Variants in PARPBP observed in about 807,000 individuals in gnomAD.
PARPBP encodes the protein PARP1 binding protein.
Under a neutral mutation model 50.0 loss-of-function variants are expected in PARPBP, and 52 were observed. That is an observed-to-expected ratio of 1.04 (90% CI 0.83 to 1.31). The LOEUF is 1.31. Among genes scored for constraint, PARPBP ranks in the 50% most tolerant of loss-of-function variants. The probability of loss-of-function intolerance (pLI) is 0.00; values close to 1 mark genes in which losing one functional copy is unlikely to be tolerated. For missense variants in PARPBP, 697 were observed against 672.0 expected, an observed-to-expected ratio of 1.04 and a Z score of -0.41; for synonymous variants, 244 against 232.1, an observed-to-expected ratio of 1.05 and a Z score of -0.47.
rs1471219565 is a variant in PARPBP, at chr12:102,122,275, G to C, written c.-3-1611G>C. ...TTTTTGAAGAGAAATACAATTCTTA[G>C]CTATTTACTAGGATTTGCATTTATG... is the stretch of plus-strand genomic sequence containing the variant. On this transcript the variant is annotated intron_variant, in intron 1 of 10. Transcript: ENST00000327680. 2.0e-5 allele frequency among the ~76,000 whole-genome samples: 3 copies of C among 152,050 alleles called. No individual in the cohort carries two copies. The East Asian group carries it at 5.8e-4, about 29-fold the overall frequency.
At chr12:102,185,250 A>G (rs1464445332) in intron 9 of PARPBP, among the ~76,000 whole-genome samples, 1 of 152,150 alleles carries the variant, frequency 6.6e-6, no homozygotes, top group Non-Finnish European at 1.5e-5. Context: ...AGGGTGTTGA[A>G]TTTTATCAAA....
At chr12:102,150,438 GT>G (rs1199835011) in intron 3 of PARPBP, 1 of 334,910 alleles carries the variant, frequency 3.0e-6, no homozygotes, top group African/African-American at 2.2e-5. Flanking sequence ...TCCTGATAAA[GT>G]TTCTTTGTTT....
intron 2 of PARPBP, among the ~76,000 whole-genome samples, chr12:102,133,324 A>G (rs903945582): frequency 6.6e-6 from 1 of 152,072 alleles, no homozygotes; most frequent in African/African-American, 2.4e-5. Context: ...ATTTTTTTAT[A>G]TCTAATGTGT....
intron 4 of PARPBP, among the ~76,000 whole-genome samples, chr12:102,156,814 G>A (rs1458095427): frequency 6.6e-6 from 1 of 151,950 alleles, no homozygotes; most frequent in Non-Finnish European, 1.5e-5. Flanking sequence ...GCTAAGTTTT[G>A]TATTTTTAGT....
intron 2 of PARPBP, among the ~76,000 whole-genome samples, chr12:102,128,255 G>T (rs1882310802): frequency 6.6e-6 from 1 of 151,068 alleles, no homozygotes. Context: ...TTTTTTTGAT[G>T]GAGTCTCACT....
chr12:102,187,532 C>T (rs1890405922), intron 9 of PARPBP, among the ~76,000 whole-genome samples: 1 of 152,024 alleles, frequency 6.6e-6, no homozygotes, highest in Non-Finnish European at 1.5e-5. Flanking sequence ...AAATACACTC[C>T]CTAATGAGAT....
In PARPBP at chr12:102,145,584, A is replaced by C. The variant is rs970370457; in HGVS notation, c.154-2646A>C. Among the ~76,000 whole-genome samples, 9 of 152,206 alleles carry C rather than the reference A, an allele frequency of 5.9e-5. No individual in the cohort carries two copies. The East Asian group carries it at 1.7e-3, about 29-fold the overall frequency. Reference sequence around the variant, plus strand: ...TATGCAGATGTTGAAGAAGACTTTAAAGAAAGCATTATAGTTAGATAAAAT... The same window carrying C: ...TATGCAGATGTTGAAGAAGACTTTACAGAAAGCATTATAGTTAGATAAAAT... On this transcript the variant is annotated intron_variant, in intron 2 of 10. Coordinates refer to ENST00000327680, the MANE Select transcript of PARPBP (RefSeq NM_017915.5).
At chr12:102,123,769 T>C (rs1295796053) in intron 1 of PARPBP, 117 bp from the exon 2 acceptor site, 4 of 539,264 alleles carry the variant, frequency 7.4e-6, no homozygotes, top group East Asian at 6.5e-5. Context: ...TTGGTAAATA[T>C]GAAATGACCT....
At position 102,133,120 on chromosome 12, in the gene PARPBP, A is replaced by G. The variant is rs149126454; in HGVS notation, c.153+9079A>G. On this transcript the variant is annotated intron_variant, in intron 2 of 10. Transcript: ENST00000327680. ...GAACATTTTCACTTATTTCTTTCCA[A>G]TTTGGATGCCTTTTGTTTCTTTTTC... Among the ~76,000 whole-genome samples, 105 of 152,210 alleles carry G rather than the reference A, an allele frequency of 6.9e-4. 1 individual carries two copies. The highest frequency in any genetic ancestry group is 1.4e-3 in the Admixed American group (22 of 15,288).
chr12:102,143,661 G>A (rs1246425123), intron 2 of PARPBP, among the ~76,000 whole-genome samples: 7 of 152,232 alleles, frequency 4.6e-5, no homozygotes, highest in South Asian at 2.1e-4. Flanking sequence ...GACTTTTGAC[G>A]TCATTATATG....
chr12:102,146,711 A>T (rs1208200444), intron 2 of PARPBP, among the ~76,000 whole-genome samples: 1 of 152,164 alleles, frequency 6.6e-6, no homozygotes, highest in Non-Finnish European at 1.5e-5. Context: ...GCCAAAATTG[A>T]CAAATGGGAT....
chr12:102,151,486 A>G, intron 3 of PARPBP: 2 of 859,698 alleles, frequency 2.3e-6, no homozygotes, highest in Non-Finnish European at 3.7e-6. Context: ...CTGCTGGGAG[A>G]TGCATCAACA....
chr12:102,143,333 A>C (rs1884912130), intron 2 of PARPBP, among the ~76,000 whole-genome samples: 1 of 152,202 alleles, frequency 6.6e-6, no homozygotes, highest in Non-Finnish European at 1.5e-5. Context: ...AGACCATTGG[A>C]AAAGCACAGT....
At position 102,196,211 on chromosome 12, in the gene PARPBP, G is replaced by A. The variant is rs1263922782; in HGVS notation, c.1660G>A (p.Val554Ile). 1 of 1,610,990 alleles carries A rather than the reference G, an allele frequency of 6.2e-7. No homozygotes were observed. Among genetic ancestry groups the A allele is most frequent in the South Asian group, 1.1e-5 (1 of 90,530 alleles). ...TAGATTGTACGGCAAACTAGCTAAA[G>A]TAGCAAAAAGTAATAAATGTACTGC... The part of the protein sequence containing the change: ...QNRLYGKLAK[V>I]AKSNKCTAKD... The change falls in exon 11 of 11, where the codon GTA becomes ATA. Residue 554 changes from valine to isoleucine, a missense_variant. Coordinates refer to ENST00000327680, the MANE Select transcript of PARPBP (RefSeq NM_017915.5).
At chr12:102,166,721 A>C (rs1264076832) in intron 6 of PARPBP, among the ~76,000 whole-genome samples, 1 of 152,158 alleles carries the variant, frequency 6.6e-6, no homozygotes, top group Non-Finnish European at 1.5e-5. Context: ...CTGTGCATCC[A>C]TTCTCTTAAT....
rs567322497 is a variant in PARPBP, at chr12:102,181,686, C to T, written c.1185-863C>T. Among the ~76,000 whole-genome samples, 43 of 152,060 alleles carry T rather than the reference C, an allele frequency of 2.8e-4. 1 individual carries two copies. The highest frequency in any genetic ancestry group is 6.5e-4 in the Admixed American group (10 of 15,272). ...CTATAACTGTGCTTTTGGGTAGGGGCGGGGCAGATACTAGTTTAAAAGCCA... is the reference window on the plus strand; with the variant it reads ...CTATAACTGTGCTTTTGGGTAGGGGTGGGGCAGATACTAGTTTAAAAGCCA... On this transcript the variant is annotated intron_variant, in intron 8 of 10. Coordinates refer to ENST00000327680, the MANE Select transcript of PARPBP (RefSeq NM_017915.5).
intron 5 of PARPBP, among the ~76,000 whole-genome samples, chr12:102,165,206 A>T (rs1474893034): frequency 1.3e-5 from 2 of 152,206 alleles, no homozygotes; most frequent in African/African-American, 4.8e-5. Context: ...AGCCTTTTGA[A>T]CTATACATGA....
At chr12:102,158,404 G>C (rs1171278453) in intron 4 of PARPBP, among the ~76,000 whole-genome samples, 1 of 152,086 alleles carries the variant, frequency 6.6e-6, no homozygotes, top group Non-Finnish European at 1.5e-5. Context: ...TTTAAAATGA[G>C]TTACACTCAT....
At chr12:102,131,046 AAG>A (rs1481451367) in intron 2 of PARPBP, among the ~76,000 whole-genome samples, 1 of 151,886 alleles carries the variant, frequency 6.6e-6, no homozygotes, top group African/African-American at 2.4e-5. Flanking sequence ...AAAAATCAAA[AAG>A]TAACAGTGGC....
Sources: allele counts gnomAD v4.1 joint callset (sites outside exome capture counted in the v4.1 genomes callset), GRCh38; gene constraint gnomAD v4.1.1; transcripts MANE v1.5; gene names NCBI Gene and HGNC (gene_info 2026-07-23, HGNC 2026-07-21).